The following DIAPH2 variants were observed in gnomAD, a reference collection of about 807,000 sequenced individuals.
DIAPH2 encodes diaphanous related formin 2.
A neutral mutation model predicts 92.7 loss-of-function variants in DIAPH2; 35 were observed. The observed-to-expected ratio is 0.38, with a 90% CI of 0.29 to 0.50. The LOEUF is 0.50. DIAPH2 is among the 20% of genes least tolerant of loss of function. The pLI is 0.94. For missense variants in DIAPH2, 701 were observed against 819.5 expected (o/e 0.86, Z 1.77); for synonymous variants, 301 against 280.4 (o/e 1.07, Z -0.73).
intron 25 of DIAPH2, among the ~76,000 whole-genome samples, chrX:97,403,291 G>C (rs1372973383): frequency 8.9e-6 from 1 of 112,303 alleles, no homozygotes; most frequent in East Asian, 2.8e-4. Context: ...ATTTCAAAAT[G>C]TCTTTTTCTA....
chrX:96,809,005 A>G (rs1207219014), intron 4 of DIAPH2, among the ~76,000 whole-genome samples: 1 of 111,988 alleles, frequency 8.9e-6, no homozygotes, highest in East Asian at 2.8e-4. Flanking sequence ...GCTTATGCAT[A>G]TTTCACTGAT....
intron 17 of DIAPH2, among the ~76,000 whole-genome samples, chrX:97,053,145 A>G (rs1277024551): frequency 1.8e-5 from 2 of 111,009 alleles, no homozygotes; most frequent in Admixed American, 9.6e-5. Context: ...CACTTTGATT[A>G]GGCCCTAGGC....
chrX:97,383,764 T>C (rs1441576590), intron 24 of DIAPH2, 145 bp from the exon 25 acceptor site: 2 of 459,551 alleles, frequency 4.4e-6, no homozygotes, highest in Non-Finnish European at 6.6e-6. Context: ...ACTGTGCAAT[T>C]TCTCCATTAT....
chrX:96,918,816 G>A (rs1217241741), intron 9 of DIAPH2, among the ~76,000 whole-genome samples, 199 bp downstream of exon 9: 3 of 111,905 alleles, frequency 2.7e-5, no homozygotes, highest in Non-Finnish European at 3.8e-5. Flanking sequence ...TGGCAGTTAT[G>A]GCTGTCATTG....
intron 1 of DIAPH2, among the ~76,000 whole-genome samples, chrX:96,694,971 A>T (rs2063817778): frequency 1.0e-5 from 1 of 96,799 alleles, no homozygotes; most frequent in Admixed American, 1.2e-4. Flanking sequence ...TTTTTGAGAC[A>T]GAGTCTCGCT....
intron 26 of DIAPH2, among the ~76,000 whole-genome samples, chrX:97,520,114 G>A (rs1428694115): frequency 8.9e-6 from 1 of 111,796 alleles, no homozygotes; most frequent in Non-Finnish European, 1.9e-5. Flanking sequence ...TACCAAATCT[G>A]GATAACAAGA....
At chrX:97,313,704 T>A (rs1162450353) in intron 23 of DIAPH2, among the ~76,000 whole-genome samples, 9 of 110,016 alleles carry the variant, frequency 8.2e-5, no homozygotes, top group Non-Finnish European at 1.7e-4. Context: ...AGTGGTGTGA[T>A]CTCGGCTCAC....
chrX:97,010,300 G>A (rs1408545606), intron 17 of DIAPH2, among the ~76,000 whole-genome samples: 1 of 110,017 alleles, frequency 9.1e-6, no homozygotes, highest in Non-Finnish European at 1.9e-5. Flanking sequence ...TCCATGCCAT[G>A]TGGCCACTGC....
intron 22 of DIAPH2, among the ~76,000 whole-genome samples, chrX:97,201,356 A>G (rs140251383): frequency 6.3e-4 from 68 of 107,998 alleles, no homozygotes; most frequent in African/African-American, 2.2e-3. Flanking sequence ...AAGGTGGGCA[A>G]TAACAAACTT....
intron 26 of DIAPH2, among the ~76,000 whole-genome samples, chrX:97,562,477 G>T (rs780207940): frequency 9.1e-6 from 1 of 109,711 alleles, no homozygotes; most frequent in African/African-American, 3.3e-5. Context: ...CTGCATTCCA[G>T]CTGAGTCAAG....
intron 17 of DIAPH2, among the ~76,000 whole-genome samples, chrX:96,981,175 G>GA (rs34704752): frequency 3.6e-4 from 37 of 102,905 alleles, no homozygotes; most frequent in African/African-American, 9.9e-4. Context: ...CCTATCTCGG[G>GA]AAAAAAAAAA....
chrX:97,465,091 C>T (rs745801760), intron 26 of DIAPH2, among the ~76,000 whole-genome samples: 1 of 111,364 alleles, frequency 9.0e-6, no homozygotes, highest in Admixed American at 9.5e-5. Context: ...AGGTGATCTA[C>T]CCTCCTCGGC....
intron 17 of DIAPH2, among the ~76,000 whole-genome samples, chrX:97,007,754 TTTTTTTC>T (rs1355195956): frequency 9.7e-6 from 1 of 103,213 alleles, no homozygotes; most frequent in African/African-American, 3.7e-5. Context: ...GGCTGTTTTC[TTTTTTTC>T]TTTTTTTTTT....
intron 1 of DIAPH2, among the ~76,000 whole-genome samples, chrX:96,689,563 C>T (rs1384761100): frequency 2.7e-5 from 3 of 109,819 alleles, no homozygotes; most frequent in Middle Eastern, 9.3e-3. Context: ...CCTTCTGCCA[C>T]CTCCCTTGCC....
Position 97,601,667 on chromosome X carries a change from G to C in DIAPH2, c.*2350G>C, listed in dbSNP as rs2071597025. ...GCCATATTACTGCCACACATGAGAA[G>C]CACCATTTATGCAGATTTTCTTCAG... On this transcript the variant is annotated 3_prime_UTR_variant, in exon 27 of 27. Transcript: ENST00000324765. 1.8e-5 allele frequency: 2 copies of C among 111,936 alleles called. No homozygotes were observed. The highest frequency in any genetic ancestry group is 7.5e-4 in the South Asian group (2 of 2,672). 9.2% of individuals were successfully genotyped at this position (111,936 alleles called of 1,213,427 possible). A position where few individuals can be genotyped will look rare whatever the true frequency, so the allele number is the denominator to read the frequency against.
chrX:96,937,111 C>A, intron 10 of DIAPH2, 122 bp from the exon 11 acceptor site: 1 of 355,580 alleles, frequency 2.8e-6, no homozygotes, highest in Non-Finnish European at 4.8e-6. Context: ...ACCAAGTGCC[C>A]GCATAAATAT....
At chrX:97,597,223 A>C (rs780213364) in intron 26 of DIAPH2, among the ~76,000 whole-genome samples, 1 of 111,835 alleles carries the variant, frequency 8.9e-6, no homozygotes, top group Admixed American at 9.5e-5. Context: ...GAGGGAGAAA[A>C]TCTAGAATAA....
In DIAPH2 at chrX:96,729,201, C is replaced by T. The variant is rs145717255; in HGVS notation, c.133-6557C>T. 1.9e-3 allele frequency among the ~76,000 whole-genome samples: 215 copies of T among 111,992 alleles called. 3 individuals carry two copies. The highest frequency in any genetic ancestry group is 6.6e-3 in the African/African-American group (203 of 30,828). ...AGGCAATCAGAATATGCATTTGTCT[C>T]TGTGAGCAGAGGGATGACTTTGAAT... On this transcript the variant is annotated intron_variant, in intron 1 of 26. Transcript: ENST00000324765.
chrX:97,506,260 C>A (rs1277581250), intron 26 of DIAPH2, among the ~76,000 whole-genome samples: 1 of 101,913 alleles, frequency 9.8e-6, no homozygotes, highest in Non-Finnish European at 2.0e-5. Flanking sequence ...AGCAATTCTC[C>A]TGTCTCAGCC....
Sources: allele counts gnomAD v4.1 joint callset (sites outside exome capture counted in the v4.1 genomes callset), GRCh38; gene constraint gnomAD v4.1.1; transcripts MANE v1.5; gene names NCBI Gene and HGNC (gene_info 2026-07-23, HGNC 2026-07-21).